DNAJC1: variants seen among roughly 807,000 people sequenced by gnomAD.
DNAJC1 encodes dnaJ homolog subfamily C member 1.
A neutral mutation model predicts 76.6 loss-of-function variants in DNAJC1; 58 were observed. The observed-to-expected ratio is 0.76, with a 90% CI of 0.61 to 0.94. DNAJC1 has a LOEUF of 0.94. Ranked by LOEUF, DNAJC1 falls within the 40% of genes least tolerant of loss-of-function variation. DNAJC1 has a pLI of 0.00. For missense variants in DNAJC1, 689 were observed against 677.3 expected, an observed-to-expected ratio of 1.02 and a Z score of -0.19; for synonymous variants, 258 against 267.9, an observed-to-expected ratio of 0.96 and a Z score of 0.36.
At chr10:21,845,500 G>C (rs1249655055) in intron 8 of DNAJC1, among the ~76,000 whole-genome samples, 1 of 151,708 alleles carries the variant, frequency 6.6e-6, no homozygotes, top group African/African-American at 2.4e-5. Flanking sequence ...GACTATAGGT[G>C]TGTGCCACCA....
intron 6 of DNAJC1, among the ~76,000 whole-genome samples, chr10:21,908,229 T>G (rs1198173903): frequency 3.9e-5 from 2 of 51,790 alleles, no homozygotes; most frequent in Non-Finnish European, 3.0e-5. Flanking sequence ...ATATAATATA[T>G]ATAAAATATA....
At chr10:21,933,884 A>G (rs1837268052) in intron 1 of DNAJC1, among the ~76,000 whole-genome samples, 1 of 152,194 alleles carries the variant, frequency 6.6e-6, no homozygotes, top group South Asian at 2.1e-4. Context: ...CCAGCTGTAT[A>G]AAAGTATAGT....
At chr10:21,840,419 T>G (rs1394290037) in intron 8 of DNAJC1, among the ~76,000 whole-genome samples, 1 of 152,076 alleles carries the variant, frequency 6.6e-6, no homozygotes, top group Non-Finnish European at 1.5e-5. Context: ...GGATACAAAA[T>G]CAATGTACAA....
chr10:21,908,473 T>G (rs1366727712), intron 6 of DNAJC1, among the ~76,000 whole-genome samples: 1 of 96,778 alleles, frequency 1.0e-5, no homozygotes, highest in African/African-American at 5.0e-5. Context: ...CAACCTTTTT[T>G]CCCTCCCATT....
chr10:21,805,772 G>A (rs1028095338), intron 9 of DNAJC1, among the ~76,000 whole-genome samples: 7 of 152,120 alleles, frequency 4.6e-5, no homozygotes, highest in African/African-American at 1.4e-4. Context: ...CTAAACACTA[G>A]AATTCCTCAC....
In DNAJC1 at chr10:21,988,962, T is replaced by C. The variant is rs557043938; in HGVS notation, c.222+14251A>G. The stretch of plus-strand genomic sequence containing the variant: ...GTATCTCCAATAACAGGGACATATA[T>C]GTCATTCTGAGATAATGGACTTATT... On this transcript the variant is annotated intron_variant, in intron 1 of 11. Transcript: ENST00000376980. 1.7e-4 allele frequency among the ~76,000 whole-genome samples: 26 copies of C among 152,296 alleles called. No individual in the cohort carries two copies. The Middle Eastern group carries it at 0.01, about 60-fold the overall frequency.
At chr10:21,840,559 T>C (rs375298614) in intron 8 of DNAJC1, among the ~76,000 whole-genome samples, 25 of 152,216 alleles carry the variant, frequency 1.6e-4, no homozygotes, top group Non-Finnish European at 2.4e-4. Flanking sequence ...TGTGAAGGAC[T>C]TCTTCAAGGA....
chr10:21,917,487 C>G (rs924696272), intron 6 of DNAJC1, among the ~76,000 whole-genome samples: 1 of 151,916 alleles, frequency 6.6e-6, no homozygotes, highest in East Asian at 1.9e-4. Flanking sequence ...GCCTATTGCA[C>G]GGATTCTAAA....
chr10:21,909,621 T>C (rs1836821093), intron 6 of DNAJC1, among the ~76,000 whole-genome samples: 1 of 152,230 alleles, frequency 6.6e-6, no homozygotes, highest in African/African-American at 2.4e-5. Context: ...TCACTCAACA[T>C]TCTGTTTCCC....
intron 6 of DNAJC1, among the ~76,000 whole-genome samples, chr10:21,911,162 C>A (rs1392539454): frequency 6.6e-6 from 1 of 151,792 alleles, no homozygotes; most frequent in Non-Finnish European, 1.5e-5. Context: ...TACCACCTGT[C>A]CTGATGGGAA....
chr10:21,825,152 C>A (rs1835227208), intron 8 of DNAJC1, among the ~76,000 whole-genome samples: 1 of 152,200 alleles, frequency 6.6e-6, no homozygotes, highest in Non-Finnish European at 1.5e-5. Context: ...TACAAGCCAT[C>A]ACCACTGTCC....
In DNAJC1 at chr10:21,759,500, C is replaced by T. The variant is rs1342187918; in HGVS notation, c.1266G>A (p.Ala422=). ...TQREDAEGVA[A]EEEQEGDSGE... The stretch of plus-strand genomic sequence containing the variant: ...CGGAGTCTCCCTCCTGCTCCTCCTC[C>T]GCTGCCACCCCCTCTGCGTCCTCTC... Residue 422 remains alanine (A), a synonymous_variant, in exon 11 of 12, where the codon GCG becomes GCA. Coordinates refer to ENST00000376980, the MANE Select transcript of DNAJC1 (RefSeq NM_022365.4). The T allele has an allele frequency of 5.6e-6, 9 of 1,614,098 alleles. No individual in the cohort carries two copies. Among genetic ancestry groups the T allele is most frequent in the African/African-American group, 1.3e-5 (1 of 74,938 alleles).
intron 9 of DNAJC1, among the ~76,000 whole-genome samples, chr10:21,805,605 T>A (rs2131641726): frequency 6.6e-6 from 1 of 152,238 alleles, no homozygotes; most frequent in South Asian, 2.1e-4. Flanking sequence ...TAAATAGCAA[T>A]CGCAATCTGT....
intron 1 of DNAJC1, among the ~76,000 whole-genome samples, chr10:21,977,530 A>C (rs1231364119): frequency 3.9e-5 from 6 of 152,140 alleles, no homozygotes; most frequent in Non-Finnish European, 8.8e-5. Context: ...AGAAGTACAG[A>C]TATCTCTCTA....
At chr10:21,841,989 T>C (rs1263102749) in intron 8 of DNAJC1, among the ~76,000 whole-genome samples, 1 of 150,738 alleles carries the variant, frequency 6.6e-6, no homozygotes, top group Non-Finnish European at 1.5e-5. Flanking sequence ...CAGCAAAGTA[T>C]TGCAAGGACA....
At chr10:21,936,792 GA>G (rs1237191433) in intron 1 of DNAJC1, among the ~76,000 whole-genome samples, 1 of 151,622 alleles carries the variant, frequency 6.6e-6, no homozygotes, top group Non-Finnish European at 1.5e-5. Flanking sequence ...TACAGTAAAA[GA>G]AATGAAAAGT....
At chr10:21,961,376 G>A (rs893974599) in intron 1 of DNAJC1, among the ~76,000 whole-genome samples, 1 of 152,156 alleles carries the variant, frequency 6.6e-6, no homozygotes, top group African/African-American at 2.4e-5. Context: ...TACATACAAT[G>A]GCTATGATTT....
chr10:21,773,659 C>T (rs1253307113), intron 9 of DNAJC1, among the ~76,000 whole-genome samples: 1 of 152,080 alleles, frequency 6.6e-6, no homozygotes, highest in Non-Finnish European at 1.5e-5. Context: ...AATTTCCAAC[C>T]ATTATTGTTT....
At chr10:21,835,515 G>C (rs1261871474) in intron 8 of DNAJC1, among the ~76,000 whole-genome samples, 2 of 152,132 alleles carry the variant, frequency 1.3e-5, no homozygotes, top group Non-Finnish European at 2.9e-5. Context: ...GGCTTCAGAC[G>C]ATCAAACTAC....
Sources: allele counts gnomAD v4.1 joint callset (sites outside exome capture counted in the v4.1 genomes callset), GRCh38; gene constraint gnomAD v4.1.1; transcripts MANE v1.5; gene names NCBI Gene and HGNC (gene_info 2026-07-23, HGNC 2026-07-21).